RASSF8: variants seen among roughly 807,000 people sequenced by gnomAD.
RASSF8 encodes ras association domain-containing protein 8.
Under a neutral mutation model 48.5 loss-of-function variants are expected in RASSF8, and 22 were observed. That is an observed-to-expected ratio of 0.45 (90% confidence interval 0.32 to 0.65). The LOEUF (loss-of-function observed/expected upper bound fraction) is 0.65, where lower values mean the gene tolerates loss of function less well. Among genes scored for constraint, RASSF8 ranks in the 30% least tolerant of loss-of-function variants. The pLI is 0.03. For synonymous variants in RASSF8, 127 were observed against 171.5 expected (o/e 0.74, Z 2.03); for missense variants, 418 against 489.2 (o/e 0.85, Z 1.37).
chr12:26,048,286 T>G (rs1161363659), intron 2 of RASSF8, among the ~76,000 whole-genome samples: 1 of 152,156 alleles, frequency 6.6e-6, no homozygotes, highest in Non-Finnish European at 1.5e-5. Flanking sequence ...CTGACATCTC[T>G]AGGTATGAGA....
intron 2 of RASSF8, among the ~76,000 whole-genome samples, chr12:26,038,456 T>C (rs1592295962): frequency 6.6e-6 from 1 of 152,290 alleles, no homozygotes; most frequent in East Asian, 1.9e-4. Flanking sequence ...AAACTAGATA[T>C]TTGGCTTTTA....
chr12:26,062,061 T>G (rs1311950586), intron 3 of RASSF8, among the ~76,000 whole-genome samples: 1 of 152,220 alleles, frequency 6.6e-6, no homozygotes, highest in African/African-American at 2.4e-5. Flanking sequence ...AATGTGATGA[T>G]TCGGTTTTCC....
At chr12:26,046,832 A>G (rs1943382675) in intron 2 of RASSF8, among the ~76,000 whole-genome samples, 1 of 147,878 alleles carries the variant, frequency 6.8e-6, no homozygotes, top group Admixed American at 6.7e-5. Context: ...TATCACAGAT[A>G]TAGTTATACT....
In RASSF8 at chr12:26,069,356, A is replaced by G. The variant is rs1423057591; in HGVS notation, c.*538A>G. Reference sequence around the variant, plus strand: ...GTGCTCCACCATCGAAGCTAACTCCACAGGAAGCCACTTGCATTTGTTTTG... The same window carrying G: ...GTGCTCCACCATCGAAGCTAACTCCGCAGGAAGCCACTTGCATTTGTTTTG... On this transcript the variant is annotated 3_prime_UTR_variant, in exon 6 of 6. Coordinates refer to ENST00000689635, the MANE Select transcript of RASSF8 (RefSeq NM_001394098.1). 3 of 984,914 alleles carry G rather than the reference A, an allele frequency of 3.0e-6. No homozygotes were observed. Among genetic ancestry groups the G allele is most frequent in the African/African-American group, 3.5e-5 (2 of 57,234 alleles). The allele number at this position is 984,914 out of a possible 1,614,324, so 61.0% of individuals were successfully genotyped here.
intron 2 of RASSF8, among the ~76,000 whole-genome samples, chr12:26,007,897 A>G (rs1456437266): frequency 1.3e-5 from 2 of 152,234 alleles, no homozygotes; most frequent in African/African-American, 4.8e-5. Flanking sequence ...GAAAAATTAC[A>G]TTTTTTATTC....
intron 1 of RASSF8, among the ~76,000 whole-genome samples, chr12:25,987,320 G>A (rs1941909317): frequency 6.6e-6 from 1 of 152,184 alleles, no homozygotes; most frequent in Non-Finnish European, 1.5e-5. Flanking sequence ...TACATCTTGT[G>A]AGCTATGCGG....
intron 2 of RASSF8, among the ~76,000 whole-genome samples, chr12:26,041,129 T>C (rs923778581): frequency 1.1e-4 from 17 of 151,914 alleles, no homozygotes; most frequent in African/African-American, 4.1e-4. Context: ...CCTGACCTCA[T>C]GATCCTCCCA....
At chr12:25,968,744 A>C (rs1269509060) in intron 1 of RASSF8, among the ~76,000 whole-genome samples, 2 of 152,232 alleles carry the variant, frequency 1.3e-5, no homozygotes, top group East Asian at 1.9e-4. Flanking sequence ...TCCTGTTTGC[A>C]TGGAGAGCAC....
chr12:25,995,230 T>C (rs984721113), intron 2 of RASSF8, 100 bp downstream of exon 2: 1 of 152,218 alleles, frequency 6.6e-6, no homozygotes, highest in Non-Finnish European at 1.5e-5. Context: ...TGGGAGACTT[T>C]TATAGATCAT....
intron 2 of RASSF8, among the ~76,000 whole-genome samples, chr12:26,048,696 G>C (rs1015659809): frequency 2.6e-5 from 4 of 151,964 alleles, no homozygotes; most frequent in African/African-American, 9.7e-5. Context: ...TAGCCTCTCT[G>C]TGCCTTCTTC....
chr12:26,051,555 C>G (rs1039071396), intron 2 of RASSF8, among the ~76,000 whole-genome samples: 23 of 152,020 alleles, frequency 1.5e-4, no homozygotes, highest in African/African-American at 4.8e-4. Flanking sequence ...TAAATATTGG[C>G]AGACCAAAAT....
rs190394794 is a variant in RASSF8 at position 25,978,122 on chromosome 12, G to A, written c.-202-16915G>A. Among the ~76,000 whole-genome samples the A allele has an allele frequency of 2.4e-3, 373 of 152,298 alleles. 6 individuals carry two copies. Among genetic ancestry groups the A allele is most frequent in the Admixed American group, 0.023 (344 of 15,288 alleles). The stretch of plus-strand genomic sequence containing the variant: ...TAATGACAGTGGATTCAGTCCTGTC[G>A]TGGAAACAAAGATGAACTCTTCTAA... On this transcript the variant is annotated intron_variant, in intron 1 of 5. Coordinates refer to ENST00000689635, the MANE Select transcript of RASSF8 (RefSeq NM_001394098.1).
chr12:26,072,426 C>T lies in RASSF8; in HGVS notation c.*3608C>T, dbSNP rs1944018472. 1 of 976,170 alleles carries T rather than the reference C, an allele frequency of 1.0e-6. No homozygotes were observed. The highest frequency in any genetic ancestry group is 1.2e-6 in the Non-Finnish European group (1 of 821,644). 60.5% of individuals were successfully genotyped at this position (976,170 alleles called of 1,614,324 possible). ...AAAGCTGCAGGAGCTCTTTTCAATG[C>T]ATTTTATATATTTTTAGAAACCAAA... On this transcript the variant is annotated 3_prime_UTR_variant, in exon 6 of 6. Transcript: ENST00000689635.
intron 1 of RASSF8, among the ~76,000 whole-genome samples, chr12:25,990,361 C>T (rs1320506131): frequency 2.6e-5 from 4 of 152,152 alleles, no homozygotes; most frequent in Admixed American, 6.6e-5. Flanking sequence ...GCATTAGTTA[C>T]ATTTCACAAG....
upstream of RASSF8, chr12:25,958,481 A>G (rs1333041267): frequency 6.6e-6 from 1 of 150,862 alleles, no homozygotes; most frequent in Non-Finnish European, 1.5e-5. Flanking sequence ...TTCCGTTACG[A>G]GGTCTCTCCC....
chr12:26,076,251 A>T (rs1466789601), downstream of RASSF8, among the ~76,000 whole-genome samples: 1 of 149,450 alleles, frequency 6.7e-6, no homozygotes, highest in Non-Finnish European at 1.5e-5. Flanking sequence ...AGGACTGATC[A>T]CAAAAATCTT....
chr12:26,055,228 T>C lies in RASSF8; in HGVS notation c.-108-8T>C. 2 of 807,242 alleles carry C rather than the reference T, an allele frequency of 2.5e-6. No homozygotes were observed. The highest frequency in any genetic ancestry group is 4.2e-6 in the Non-Finnish European group (2 of 474,306). 50.0% of individuals were successfully genotyped at this position (807,242 alleles called of 1,614,324 possible). ...TTTTATTACAAGTGATTTTTTGCCC[T>C]TTTTTAGCTGACTACACAGACTTAG... On this transcript the variant is annotated splice_polypyrimidine_tract_variant and splice_region_variant and intron_variant, in intron 2 of 5. Transcript: ENST00000689635.
At position 26,067,552 on chromosome 12, in the gene RASSF8, TA is replaced by T; in HGVS notation, c.994-15del. 6.3e-7 allele frequency: 1 copy of T among 1,594,958 alleles called. No homozygotes were observed. Among genetic ancestry groups the T allele is most frequent in the Non-Finnish European group, 8.5e-7 (1 of 1,169,692 alleles). ...TAGTGAATCCTCAAATTTAAAAAAA[TA>T]ATAATTTCCATCTAGGACAAAGAAC... On this transcript the variant is annotated splice_polypyrimidine_tract_variant and intron_variant, in intron 4 of 5. Coordinates refer to ENST00000689635, the MANE Select transcript of RASSF8 (RefSeq NM_001394098.1).
At chr12:26,035,526 AATT>A (rs1943126142) in intron 2 of RASSF8, among the ~76,000 whole-genome samples, 1 of 141,248 alleles carries the variant, frequency 7.1e-6, no homozygotes, top group Non-Finnish European at 1.5e-5. Flanking sequence ...AATTATATGA[AATT>A]ATATATAAAA....
Sources: allele counts gnomAD v4.1 joint callset (sites outside exome capture counted in the v4.1 genomes callset), GRCh38; gene constraint gnomAD v4.1.1; transcripts MANE v1.5; gene names NCBI Gene and HGNC (gene_info 2026-07-23, HGNC 2026-07-21).